The following REEP5 variants were observed in gnomAD, a reference collection of about 807,000 sequenced individuals.
REEP5 encodes receptor expression-enhancing protein 5.
REEP5 carries 24 observed loss-of-function variants against 22.4 expected under a neutral mutation model. That is an observed-to-expected ratio of 1.07 (90% CI 0.78 to 1.51). REEP5 has a LOEUF of 1.51. Ranked by LOEUF, REEP5 falls within the 40% of genes most tolerant of loss-of-function variation. The probability of loss-of-function intolerance (pLI) is 0.00; values close to 1 mark genes in which losing one functional copy is unlikely to be tolerated. For missense variants in REEP5, 252 were observed against 233.0 expected (o/e 1.08, Z -0.53); for synonymous variants, 103 against 88.6 (o/e 1.16, Z -0.92).
intron 2 of REEP5, among the ~76,000 whole-genome samples, chr5:112,909,246 A>G (rs1289194452): frequency 6.8e-6 from 1 of 147,868 alleles, no homozygotes; most frequent in Non-Finnish European, 1.5e-5. Context: ...TCTAGTATGG[A>G]TAAGCCTCAT....
intron 2 of REEP5, among the ~76,000 whole-genome samples, chr5:112,913,537 A>G (rs796202712): frequency 3.6e-4 from 6 of 16,670 alleles, no homozygotes; most frequent in East Asian, 9.4e-3. Flanking sequence ...GACCCTGGCT[A>G]AAAAAAAAAA....
intron 3 of REEP5, chr5:112,896,245 C>T (rs1768677188): frequency 6.5e-6 from 1 of 152,676 alleles, no homozygotes; most frequent in Non-Finnish European, 1.5e-5. Flanking sequence ...TGTTGCGAGG[C>T]ACAGTGGCTT....
At chr5:112,881,388 C>A (rs1162060763) in intron 4 of REEP5, among the ~76,000 whole-genome samples, 1 of 152,142 alleles carries the variant, frequency 6.6e-6, no homozygotes, top group Admixed American at 6.5e-5. Flanking sequence ...TACCACAGAG[C>A]TCTAAAACAC....
chr5:112,884,763 A>G (rs1257861503), intron 4 of REEP5, among the ~76,000 whole-genome samples: 1 of 127,792 alleles, frequency 7.8e-6, no homozygotes, highest in Non-Finnish European at 1.6e-5. Flanking sequence ...AATCATAACC[A>G]TCCCTCCAGT....
intron 2 of REEP5, among the ~76,000 whole-genome samples, chr5:112,904,393 T>G (rs1768910245): frequency 6.6e-6 from 1 of 152,170 alleles, no homozygotes; most frequent in African/African-American, 2.4e-5. Flanking sequence ...TATTTAATTA[T>G]TAGTATAATA....
chr5:112,915,880 TAAA>T (rs375548847), intron 2 of REEP5, among the ~76,000 whole-genome samples: 34 of 133,822 alleles, frequency 2.5e-4, no homozygotes, highest in Admixed American at 1.9e-3. Flanking sequence ...AATTACAATT[TAAA>T]AAAAAAAAAA....
rs551539844 is a variant in REEP5, at chr5:112,892,070, T to C, written c.352-4887A>G. On this transcript the variant is annotated intron_variant, in intron 3 of 4. Transcript: ENST00000379638. ...GAAAAAGAGGAAGCTGTGCAGAAGA[T>C]GCTGGATCAGGCTGAAAATGATTTA... The C allele has an allele frequency of 6.9e-6, 11 of 1,590,742 alleles. No individual in the cohort carries two copies. The African/African-American group carries it at 8.0e-5, about 12-fold the overall frequency.
rs754358702 is a variant in REEP5, at chr5:112,892,014, AGAG to A, written c.352-4834_352-4832del. The A allele has an allele frequency of 6.5e-4, 846 of 1,310,788 alleles. 4 individuals carry two copies. The African/African-American group carries it at 0.011, about 17-fold the overall frequency. The allele number at this position is 1,310,788 out of a possible 1,614,324, so 81.2% of individuals were successfully genotyped here. The stretch of plus-strand genomic sequence containing the variant: ...AAGAACAGCAGAGGAAAGAGAGAGA[AGAG>A]GAGGAGCAGAAACAACAGGAGAAGA... On this transcript the variant is annotated intron_variant, in intron 3 of 4. Transcript: ENST00000379638.
chr5:112,893,582 G>A (rs1768573976), intron 3 of REEP5: 1 of 152,796 alleles, frequency 6.5e-6, no homozygotes, highest in African/African-American at 2.4e-5. Flanking sequence ...ACTGAGCACA[G>A]ATCTTGGAAA....
intron 4 of REEP5, among the ~76,000 whole-genome samples, chr5:112,884,781 C>T (rs893072818): frequency 4.0e-4 from 20 of 50,376 alleles, no homozygotes; most frequent in Non-Finnish European, 6.7e-5. Context: ...AGTCCTTGGC[C>T]CCCCCCCATC....
At chr5:112,890,692 A>G (rs1471995623) in intron 3 of REEP5, among the ~76,000 whole-genome samples, 4 of 150,400 alleles carry the variant, frequency 2.7e-5, no homozygotes, top group Non-Finnish European at 5.9e-5. Flanking sequence ...ATCTCACTCT[A>G]AAGATATATA....
At chr5:112,921,682 G>C (rs963405228) in intron 1 of REEP5, 1 of 237,714 alleles carries the variant, frequency 4.2e-6, no homozygotes, top group East Asian at 1.2e-4. Flanking sequence ...CGCCCTCTCC[G>C]GGCGGAGCTC....
chr5:112,921,598 G>C (rs1455765913), intron 1 of REEP5: 1 of 340,556 alleles, frequency 2.9e-6, no homozygotes, highest in South Asian at 3.1e-5. Context: ...GGGAAGCTGC[G>C]CTCAGCGGGG....
chr5:112,905,402 G>T (rs956565518), intron 2 of REEP5, among the ~76,000 whole-genome samples: 1 of 151,860 alleles, frequency 6.6e-6, no homozygotes. Context: ...TTAGCCGGGC[G>T]TGGTGGCACA....
intron 3 of REEP5, chr5:112,892,494 C>T: frequency 6.2e-7 from 1 of 1,614,166 alleles, no homozygotes; most frequent in Non-Finnish European, 8.5e-7. Flanking sequence ...AAGAAGAATG[C>T]CAAGCAGCCC....
intron 3 of REEP5, chr5:112,892,068 G>T: frequency 1.9e-6 from 3 of 1,584,944 alleles, no homozygotes; most frequent in Non-Finnish European, 2.6e-6. Flanking sequence ...CTGTGCAGAA[G>T]ATGCTGGATC....
chr5:112,901,447 G>GC (rs1230652700), intron 3 of REEP5, among the ~76,000 whole-genome samples: 1 of 152,106 alleles, frequency 6.6e-6, no homozygotes, highest in Non-Finnish European at 1.5e-5. Context: ...GGTGGCTCAC[G>GC]CCTGTAATCC....
chr5:112,921,225 C>T lies in REEP5; in HGVS notation c.150G>A (p.Val50=), dbSNP rs1228839051. Residue 50 remains valine, a synonymous_variant, in exon 2 of 5, where the codon GTG becomes GTA. Coordinates refer to ENST00000379638, the MANE Select transcript of REEP5 (RefSeq NM_005669.5). ...AGAGGAGAGAGGCTCCATAACCGAA[C>T]ACCAGGTACAAGGCCACCAGTCCGA... ...GVIGLVALYL[V]FGYGASLLCN... The T allele has an allele frequency of 1.2e-6, 2 of 1,614,180 alleles. No homozygotes were observed. Among genetic ancestry groups the T allele is most frequent in the East Asian group, 2.2e-5 (1 of 44,878 alleles).
intron 3 of REEP5, chr5:112,892,971 C>T (rs767515839): frequency 1.3e-6 from 2 of 1,589,452 alleles, no homozygotes; most frequent in East Asian, 4.5e-5. Flanking sequence ...GGAGCCAGAG[C>T]CGCAGGAGCC....
Sources: allele counts gnomAD v4.1 joint callset (sites outside exome capture counted in the v4.1 genomes callset), GRCh38; gene constraint gnomAD v4.1.1; transcripts MANE v1.5; gene names NCBI Gene and HGNC (gene_info 2026-07-23, HGNC 2026-07-21).